Variants in ENTREP2 observed in about 807,000 individuals in gnomAD.
ENTREP2 encodes the protein protein ENTREP2.
the ENTREP2 span, among the ~76,000 whole-genome samples, chr15:29,491,826 T>C: frequency 2.0e-5 from 3 of 152,182 alleles, no homozygotes; most frequent in Admixed American, 6.5e-5. Flanking sequence ...TGCCTCACAG[T>C]AGACATTAAA....
chr15:29,122,293 C>G, the ENTREP2 span: 1 of 152,250 alleles, frequency 6.6e-6, no homozygotes, highest in Non-Finnish European at 1.5e-5. Context: ...CCAAGCTGGG[C>G]GTGTCTGCTT....
chr15:29,136,467 C>T, the ENTREP2 span: 30 of 1,548,128 alleles, frequency 1.9e-5, no homozygotes, highest in South Asian at 2.3e-4. Flanking sequence ...TACAAAGTGC[C>T]GAATGGAGAC....
At chr15:29,320,146 C>A in the ENTREP2 span, among the ~76,000 whole-genome samples, 132 of 152,206 alleles carry the variant, frequency 8.7e-4, 1 homozygote, top group Non-Finnish European at 1.6e-3. Flanking sequence ...AAGGTGATAG[C>A]CCAGAGATAC....
chr15:29,425,673 T>A, the ENTREP2 span, among the ~76,000 whole-genome samples: 82 of 152,308 alleles, frequency 5.4e-4, no homozygotes, highest in African/African-American at 1.9e-3. Context: ...TTCCTGTCTT[T>A]TGCTATTTTG....
chr15:29,368,292 C>G, the ENTREP2 span, among the ~76,000 whole-genome samples: 15 of 151,180 alleles, frequency 9.9e-5, no homozygotes, highest in Non-Finnish European at 1.3e-4. Context: ...CATGGCACTG[C>G]ACTCCAGCCT....
At chr15:29,604,995 G>A in the ENTREP2 span, among the ~76,000 whole-genome samples, 15 of 152,318 alleles carry the variant, frequency 9.8e-5, no homozygotes, top group African/African-American at 3.6e-4. Flanking sequence ...GTATTCAAAG[G>A]CAGGCTAACC....
At chr15:29,416,096 C>T in the ENTREP2 span, among the ~76,000 whole-genome samples, 1 of 152,120 alleles carries the variant, frequency 6.6e-6, no homozygotes, top group African/African-American at 2.4e-5. Context: ...GATTCAATGC[C>T]ATCCCCATCA....
At chr15:29,578,430 C>G in the ENTREP2 span, among the ~76,000 whole-genome samples, 1 of 152,202 alleles carries the variant, frequency 6.6e-6, no homozygotes, top group Non-Finnish European at 1.5e-5. Flanking sequence ...GCAAGCTGGA[C>G]TCCCTGGACA....
the ENTREP2 span, among the ~76,000 whole-genome samples, chr15:29,580,910 C>G: frequency 6.6e-6 from 1 of 151,986 alleles, no homozygotes; most frequent in African/African-American, 2.4e-5. Flanking sequence ...TAAAATGCTC[C>G]CCCTTTTAAG....
chr15:29,139,119 T>C, the ENTREP2 span, among the ~76,000 whole-genome samples: 10 of 152,018 alleles, frequency 6.6e-5, no homozygotes, highest in African/African-American at 2.4e-4. Flanking sequence ...CGTGAAGCAC[T>C]TTTGCACGGG....
the ENTREP2 span, among the ~76,000 whole-genome samples, chr15:29,272,563 C>T: frequency 3.3e-5 from 5 of 152,302 alleles, no homozygotes; most frequent in Non-Finnish European, 5.9e-5. Context: ...GGGTTGCAGT[C>T]TGCGGGGCGG....
At chr15:29,670,617 C>T in the ENTREP2 span, among the ~76,000 whole-genome samples, 265 of 152,150 alleles carry the variant, frequency 1.7e-3, 1 homozygote, top group Middle Eastern at 6.8e-3. Context: ...GTGTGGGGCC[C>T]GAGGTTTATG....
chr15:29,330,282 C>CAA, the ENTREP2 span, among the ~76,000 whole-genome samples: 6 of 112,850 alleles, frequency 5.3e-5, no homozygotes, highest in Non-Finnish European at 1.2e-4. Flanking sequence ...ACTAAAAATA[C>CAA]AAAAAAAAAA....
the ENTREP2 span, among the ~76,000 whole-genome samples, chr15:29,436,289 T>C: frequency 6.6e-6 from 1 of 152,248 alleles, no homozygotes; most frequent in African/African-American, 2.4e-5. Context: ...AGGTCTCGTC[T>C]ACCTGCAAAG....
At chr15:29,222,309 G>A in the ENTREP2 span, among the ~76,000 whole-genome samples, 1 of 152,112 alleles carries the variant, frequency 6.6e-6, no homozygotes, top group South Asian at 2.1e-4. Context: ...TGGTCAAAAA[G>A]AAAAGGCATG....
the ENTREP2 span, among the ~76,000 whole-genome samples, chr15:29,283,918 C>T: frequency 0.032 from 4,828 of 151,880 alleles, 116 homozygotes; most frequent in Middle Eastern, 0.089. Context: ...AAGAACGGTC[C>T]CCACTAAAAA....
At chr15:29,162,044 A>C in the ENTREP2 span, among the ~76,000 whole-genome samples, 4 of 152,308 alleles carry the variant, frequency 2.6e-5, 1 homozygote, top group African/African-American at 9.6e-5. Flanking sequence ...ACACACGCCC[A>C]CTGGAGAAAA....
At chr15:29,379,015 A>G in the ENTREP2 span, among the ~76,000 whole-genome samples, 12,223 of 152,268 alleles carry the variant, frequency 0.08, 751 homozygotes, top group African/African-American at 0.16. Flanking sequence ...TGTTGTGGTC[A>G]ACACAGCAGA....
the ENTREP2 span, among the ~76,000 whole-genome samples, chr15:29,472,981 G>C: frequency 6.6e-6 from 1 of 152,104 alleles, no homozygotes; most frequent in African/African-American, 2.4e-5. Flanking sequence ...TCAGTCACCA[G>C]AGAAGTCTTC....
Sources: allele counts gnomAD v4.1 joint callset (sites outside exome capture counted in the v4.1 genomes callset), GRCh38; gene constraint gnomAD v4.1.1; transcripts MANE v1.5; gene names NCBI Gene and HGNC (gene_info 2026-07-23, HGNC 2026-07-21).